PAPPA2: variants seen among roughly 807,000 people sequenced by gnomAD.
PAPPA2 encodes the protein pappalysin-2.
PAPPA2 carries 86 observed loss-of-function variants against 176.4 expected under a neutral mutation model. The observed-to-expected ratio is 0.49, with a 90% confidence interval of 0.41 to 0.58. The LOEUF (loss-of-function observed/expected upper bound fraction) is 0.58. Among genes scored for constraint, PAPPA2 ranks in the 20% least tolerant of loss-of-function variants. PAPPA2 has a pLI of 0.00. For synonymous variants in PAPPA2, 809 were observed against 852.2 expected (o/e 0.95, Z 0.88); for missense variants, 2,073 against 2,256.9 (o/e 0.92, Z 1.65).
At chr1:176,760,661 A>G (rs1000236097) in intron 14 of PAPPA2, among the ~76,000 whole-genome samples, 1 of 152,156 alleles carries the variant, frequency 6.6e-6, no homozygotes, top group South Asian at 2.1e-4. Flanking sequence ...CACATACACA[A>G]CCAACAAGGG....
At chr1:176,724,795 C>T (rs544559923) in intron 12 of PAPPA2, among the ~76,000 whole-genome samples, 2 of 152,206 alleles carry the variant, frequency 1.3e-5, no homozygotes, top group South Asian at 2.1e-4. Flanking sequence ...GAAGAAGAAA[C>T]GCATTGATTG....
chr1:176,505,640 A>G (rs919378364), intron 1 of PAPPA2, among the ~76,000 whole-genome samples: 5 of 152,040 alleles, frequency 3.3e-5, no homozygotes, highest in Admixed American at 6.6e-5. Context: ...AGAAAAAACT[A>G]TTCTAAAATT....
chr1:176,684,181 A>G (rs761865933), intron 4 of PAPPA2, among the ~76,000 whole-genome samples: 2 of 152,228 alleles, frequency 1.3e-5, no homozygotes, highest in Non-Finnish European at 2.9e-5. Context: ...AATGAGGTTA[A>G]TACATGTAGA....
chr1:176,584,787 T>C (rs1398487231), intron 2 of PAPPA2, among the ~76,000 whole-genome samples: 1 of 152,182 alleles, frequency 6.6e-6, no homozygotes, highest in Non-Finnish European at 1.5e-5. Context: ...CAGGTTGGAA[T>C]GCAGGGGTGC....
At chr1:176,690,490 G>T (rs1315056328) in intron 5 of PAPPA2, 60 bp downstream of exon 5, 1 of 1,580,626 alleles carries the variant, frequency 6.3e-7, no homozygotes. Flanking sequence ...TTGAGAGCTG[G>T]GAGGGTGGAG....
At chr1:176,795,051 C>A (rs1183793460) in intron 20 of PAPPA2, among the ~76,000 whole-genome samples, 1 of 152,158 alleles carries the variant, frequency 6.6e-6, no homozygotes, top group African/African-American at 2.4e-5. Context: ...CTCATGTGCC[C>A]AGATCAAAGG....
rs1200316057 is a variant in PAPPA2, at chr1:176,555,623, T to A, written c.-700T>A. The A allele has an allele frequency of 6.6e-6, 1 of 152,282 alleles. No individual in the cohort carries two copies. The highest frequency in any genetic ancestry group is 1.5e-5 in the Non-Finnish European group (1 of 68,082). The allele number at this position is 152,282 out of a possible 1,614,324, so 9.4% of individuals were successfully genotyped here. ...ACAGACTGGAGGCTGGATGGGGACC[T>A]GGCTGAAGACATCTGGAGAATGAAA... is the stretch of plus-strand genomic sequence containing the variant. On this transcript the variant is annotated 5_prime_UTR_variant, in exon 2 of 23. Coordinates refer to ENST00000367662, the MANE Select transcript of PAPPA2 (RefSeq NM_020318.3).
chr1:176,833,778 C>T (rs768092189), intron 21 of PAPPA2, among the ~76,000 whole-genome samples: 3 of 151,748 alleles, frequency 2.0e-5, no homozygotes, highest in Non-Finnish European at 2.9e-5. Context: ...AGAAGATGAT[C>T]TACATATATA....
intron 3 of PAPPA2, among the ~76,000 whole-genome samples, chr1:176,647,543 G>C: frequency 6.6e-6 from 1 of 151,454 alleles, no homozygotes; most frequent in Non-Finnish European, 1.5e-5. Flanking sequence ...TTCATAGTTT[G>C]AGGCCTTACA....
intron 3 of PAPPA2, among the ~76,000 whole-genome samples, chr1:176,660,035 C>G (rs1332118496): frequency 1.3e-5 from 2 of 152,030 alleles, no homozygotes; most frequent in Non-Finnish European, 2.9e-5. Flanking sequence ...TAAATATGCA[C>G]CATTTCTTCT....
intron 3 of PAPPA2, among the ~76,000 whole-genome samples, chr1:176,642,894 A>C (rs1657179673): frequency 6.6e-6 from 1 of 151,974 alleles, no homozygotes. Flanking sequence ...CCGTATAGCT[A>C]TGACATTCTC....
At chr1:176,815,433 C>T (rs535990699) in intron 21 of PAPPA2, among the ~76,000 whole-genome samples, 5 of 152,286 alleles carry the variant, frequency 3.3e-5, no homozygotes, top group African/African-American at 9.6e-5. Context: ...ACCTCAGCCT[C>T]TCTCAGCAGA....
chr1:176,830,522 A>G (rs1162301409), intron 21 of PAPPA2, among the ~76,000 whole-genome samples: 1 of 152,206 alleles, frequency 6.6e-6, no homozygotes, highest in African/African-American at 2.4e-5. Flanking sequence ...CAAGGTTTCT[A>G]TGTCTGACCT....
chr1:176,622,540 G>A (rs921515850), intron 3 of PAPPA2, among the ~76,000 whole-genome samples: 1 of 152,142 alleles, frequency 6.6e-6, no homozygotes. Flanking sequence ...GTGCCCAGAG[G>A]TCACTTACCA....
At chr1:176,738,418 A>G (rs932077417) in intron 12 of PAPPA2, among the ~76,000 whole-genome samples, 1 of 152,138 alleles carries the variant, frequency 6.6e-6, no homozygotes, top group Non-Finnish European at 1.5e-5. Flanking sequence ...CATACTGCCA[A>G]GGCTCAGGAA....
chr1:176,724,473 T>C (rs1349770713), intron 12 of PAPPA2, among the ~76,000 whole-genome samples: 2 of 152,208 alleles, frequency 1.3e-5, no homozygotes, highest in Non-Finnish European at 1.5e-5. Context: ...CAAAATCATA[T>C]GTTCATGTTT....
At chr1:176,628,634 A>G (rs1219051951) in intron 3 of PAPPA2, among the ~76,000 whole-genome samples, 1 of 152,210 alleles carries the variant, frequency 6.6e-6, no homozygotes, top group Non-Finnish European at 1.5e-5. Flanking sequence ...GAGCATATAC[A>G]GGTACATGTT....
intron 1 of PAPPA2, among the ~76,000 whole-genome samples, chr1:176,545,365 T>C (rs1203648083): frequency 6.6e-6 from 1 of 151,810 alleles, no homozygotes; most frequent in Non-Finnish European, 1.5e-5. Context: ...ATAGTCGCCT[T>C]CTCTCTGTAT....
chr1:176,472,616 G>C (rs1572943249), intron 1 of PAPPA2, among the ~76,000 whole-genome samples: 1 of 152,010 alleles, frequency 6.6e-6, no homozygotes, highest in African/African-American at 2.4e-5. Flanking sequence ...GTTGATCATT[G>C]TTTCCAGGTC....
Sources: gnomAD v4.1 joint callset for allele counts (sites outside exome capture counted in the v4.1 genomes callset) on GRCh38, gnomAD v4.1.1 for gene constraint, MANE v1.5 for transcripts, NCBI Gene and HGNC (gene_info 2026-07-23, HGNC 2026-07-21) for gene names.